Variants in BEAN1 observed in about 807,000 individuals in gnomAD.
BEAN1 encodes the protein brain expressed associated with NEDD4 1.
Under a neutral mutation model 17.7 loss-of-function variants are expected in BEAN1, and 17 were observed. That is an observed-to-expected ratio of 0.96 (90% CI 0.66 to 1.44). The LOEUF (loss-of-function observed/expected upper bound fraction) is 1.44. Among genes scored for constraint, BEAN1 ranks in the 40% most tolerant of loss-of-function variants. BEAN1 has a pLI of 0.00. For missense variants in BEAN1, 359 were observed against 374.1 expected, an observed-to-expected ratio of 0.96 and a Z score of 0.33; for synonymous variants, 142 against 151.8, an observed-to-expected ratio of 0.94 and a Z score of 0.47.
intron 3 of BEAN1, among the ~76,000 whole-genome samples, chr16:66,474,528 T>C (rs1408203800): frequency 1.1e-5 from 1 of 90,338 alleles, no homozygotes; most frequent in Non-Finnish European, 2.3e-5. Context: ...GAGATGGGGG[T>C]GGGGGAGGAA....
intron 2 of BEAN1, among the ~76,000 whole-genome samples, chr16:66,441,173 G>C (rs1385143343): frequency 6.6e-6 from 1 of 152,332 alleles, no homozygotes; most frequent in East Asian, 1.9e-4. Flanking sequence ...CTGGCACATA[G>C]GAGGTGCTCA....
At chr16:66,440,598 C>A (rs1962219536) in intron 2 of BEAN1, among the ~76,000 whole-genome samples, 1 of 152,222 alleles carries the variant, frequency 6.6e-6, no homozygotes, top group Non-Finnish European at 1.5e-5. Context: ...CCCTGGGATG[C>A]TGGGCCCCCA....
At chr16:66,492,005 G>A (rs1567514993) in intron 4 of BEAN1, among the ~76,000 whole-genome samples, 2 of 152,084 alleles carry the variant, frequency 1.3e-5, no homozygotes, top group African/African-American at 4.8e-5. Flanking sequence ...TTGGGCTTTA[G>A]AGAGCTACCA....
intron 1 of BEAN1, among the ~76,000 whole-genome samples, chr16:66,436,266 C>CTTTTTTTTTTTTTTT: frequency 8.3e-6 from 1 of 120,642 alleles, no homozygotes; most frequent in Non-Finnish European, 1.7e-5. Context: ...TTTTTCTTTT[C>CTTTTTTTTTTTTTTT]TTTTTTTTTT....
rs1284414969 is a variant in BEAN1 at position 66,434,646 on chromosome 16, A to T, written c.-82-2949A>T. On this transcript the variant is annotated intron_variant, in intron 1 of 4. Transcript: ENST00000536005. The surrounding 1 kb of genome is among the most constrained non-coding windows in gnomAD (Gnocchi z 4.3). ...AGGTTGCAGCGGGAGGCTGTGTTTA[A>T]AGTGCTGATGGCATTGCAGGAGGCA... Among the ~76,000 whole-genome samples, 1 of 152,150 alleles carries T rather than the reference A, an allele frequency of 6.6e-6. No individual in the cohort carries two copies. The highest frequency in any genetic ancestry group is 2.4e-5 in the African/African-American group (1 of 41,434).
exon 5 of BEAN1, chr16:66,492,993 G>C: frequency 1.4e-6 from 1 of 702,966 alleles, no homozygotes. Context: ...TACTGGGTGC[G>C]ATCTATGCTT....
In BEAN1 at chr16:66,477,476, A is replaced by C. The variant is rs1433868797; in HGVS notation, c.290-84A>C. 4 of 1,342,940 alleles carry C rather than the reference A, an allele frequency of 3.0e-6. No individual in the cohort carries two copies. The African/African-American group carries it at 6.1e-5, about 20-fold the overall frequency. The allele number at this position is 1,342,940 out of a possible 1,614,324, so 83.2% of individuals were successfully genotyped here. A position where few individuals can be genotyped will look rare whatever the true frequency, so the allele number is the denominator to read the frequency against. ...GGTCAGGTGGGGAATCAGAGCCTCC[A>C]TGGCCCCAGGTAGACCTACAGACCC... On this transcript the variant is annotated intron_variant, in intron 3 of 4. Transcript: ENST00000536005.
At position 66,469,875 on chromosome 16, in the gene BEAN1, CG is replaced by C; in HGVS notation, c.289+11del. 1.3e-6 allele frequency: 2 copies of C among 1,531,730 alleles called. No homozygotes were observed. The highest frequency in any genetic ancestry group is 1.7e-6 in the Non-Finnish European group (2 of 1,144,928). The allele number at this position is 1,531,730 out of a possible 1,614,324, so 94.9% of individuals were successfully genotyped here. Reference sequence around the variant, plus strand: ...TACGAGCACGGCTACGGTGAGCCGCCGCCCACCCTGGGGCCCTGGGACCTCA... The same window carrying C: ...TACGAGCACGGCTACGGTGAGCCGCCCCCACCCTGGGGCCCTGGGACCTCA... On this transcript the variant is annotated intron_variant, in intron 3 of 4. Transcript: ENST00000536005.
rs569855421 is a variant in BEAN1, at chr16:66,477,862, C to T, written c.440+152C>T. 431 of 841,134 alleles carry T rather than the reference C, an allele frequency of 5.1e-4. 3 individuals carry two copies. The African/African-American group carries it at 7.4e-3, about 14-fold the overall frequency. 52.1% of individuals were successfully genotyped at this position (841,134 alleles called of 1,614,324 possible). On this transcript the variant is annotated intron_variant, in intron 4 of 4. Transcript: ENST00000536005. ...TGGGCATGGCCACCTCCTCCCCACT[C>T]CTGACCAAGTAGGTCCCACTGAGGC...
chr16:66,448,229 T>TTTG (rs55637238), intron 2 of BEAN1, among the ~76,000 whole-genome samples: 101,983 of 151,342 alleles, frequency 0.67, 34,871 homozygotes, highest in African/African-American at 0.78. Flanking sequence ...GTTGTTGTTG[T>TTTG]TTGTTGTTGT....
Position 66,480,821 on chromosome 16 carries a change from T to A in BEAN1, c.676T>A (p.Ser226Thr), listed in dbSNP as rs1338692914. ...YEAVCGAGPP[S>T]GLLPLPGPDP... ...GGCTGTGTGCGGGGCTGGCCCCCCA[T>A]CAGGCCTGCTGCCACTGCCGGGCCC... The change falls in exon 5 of 5, where the codon TCA becomes ACA. Residue 226 changes from serine (S) to threonine (T), a missense_variant. Coordinates refer to ENST00000536005, the MANE Select transcript of BEAN1 (RefSeq NM_001178020.3). 6.5e-7 allele frequency: 1 copy of A among 1,538,736 alleles called. No homozygotes were observed.
chr16:66,442,167 C>T (rs1962284253), intron 2 of BEAN1, among the ~76,000 whole-genome samples: 1 of 152,218 alleles, frequency 6.6e-6, no homozygotes, highest in African/African-American at 2.4e-5. Flanking sequence ...GGACCTGCCT[C>T]AAGCCTTGAG....
chr16:66,457,785 C>CAA lies in BEAN1; in HGVS notation c.26-11806_26-11805dup, dbSNP rs60561438. ...TCAGCAAGTGAGCTAAAAAGTTGCC[C>CAA]AAAAAAAAAAAACAGCAGCAGAGGA... On this transcript the variant is annotated intron_variant, in intron 2 of 4. Transcript: ENST00000536005. 6.6e-3 allele frequency among the ~76,000 whole-genome samples: 907 copies of CAA among 137,444 alleles called. 8 individuals are homozygous for CAA. Among genetic ancestry groups the CAA allele is most frequent in the South Asian group, 0.045 (195 of 4,362 alleles). 90.2% of individuals were successfully genotyped at this position (137,444 alleles called of 152,430 possible).
rs536572478 is a variant in BEAN1 at position 66,471,982 on chromosome 16, C to T, written c.289+2117C>T. On this transcript the variant is annotated intron_variant, in intron 3 of 4. Coordinates refer to ENST00000536005, the MANE Select transcript of BEAN1 (RefSeq NM_001178020.3). The surrounding 1 kb of genome is among the most constrained non-coding windows in gnomAD (Gnocchi z 4.7). ...GATGGTCAGTCTGCCGCCTGCCCCT[C>T]GCACAGCCTGGCCCTTGCCCAGCTC... 2.6e-5 allele frequency among the ~76,000 whole-genome samples: 4 copies of T among 152,358 alleles called. No individual in the cohort carries two copies. Among genetic ancestry groups the T allele is most frequent in the African/African-American group, 4.8e-5 (2 of 41,588 alleles).
At chr16:66,443,222 G>T (rs1299294451) in intron 2 of BEAN1, among the ~76,000 whole-genome samples, 2 of 152,246 alleles carry the variant, frequency 1.3e-5, no homozygotes, top group Non-Finnish European at 2.9e-5. Context: ...CTCTGTCTCT[G>T]AGGGTTGCTG....
intron 2 of BEAN1, among the ~76,000 whole-genome samples, chr16:66,467,389 G>A (rs188189815): frequency 6.6e-6 from 1 of 152,330 alleles, no homozygotes; most frequent in East Asian, 1.9e-4. Flanking sequence ...CATGGCGGAA[G>A]GCACCTCTTC....
chr16:66,474,590 G>GAGGAAGGA (rs1963633153), intron 3 of BEAN1, among the ~76,000 whole-genome samples: 1 of 24,376 alleles, frequency 4.1e-5, no homozygotes, highest in African/African-American at 1.7e-4. Context: ...GAGAGGGAGG[G>GAGGAAGGA]AGGGAGGGAG....
intron 2 of BEAN1, among the ~76,000 whole-genome samples, chr16:66,439,163 C>T (rs1314829331): frequency 6.6e-6 from 1 of 152,188 alleles, no homozygotes; most frequent in South Asian, 2.1e-4. Flanking sequence ...GATGAGCTGG[C>T]TGTGGGGTTC....
At chr16:66,492,990 T>C in exon 5 of BEAN1, 1 of 702,982 alleles carries the variant, frequency 1.4e-6, no homozygotes, top group Non-Finnish European at 2.6e-6. Flanking sequence ...ACCTACTGGG[T>C]GCGATCTATG....
Sources: gnomAD v4.1 joint callset for allele counts (sites outside exome capture counted in the v4.1 genomes callset) on GRCh38, gnomAD v4.1.1 for gene constraint, Gnocchi (gnomAD v3.1) non-coding constraint, MANE v1.5 for transcripts, NCBI Gene and HGNC (gene_info 2026-07-23, HGNC 2026-07-21) for gene names.